ASIC2: variants seen among roughly 807,000 people sequenced by gnomAD.
ASIC2 encodes acid sensing ion channel subunit 2, also known as acid-sensing ion channel 2.
In ASIC2, 25 loss-of-function variants were observed where a neutral mutation model predicts 57.3. The observed-to-expected ratio is 0.44, with a 90% CI of 0.32 to 0.61. The LOEUF is 0.61. ASIC2 is among the 20% of genes least tolerant of loss of function. The probability of loss-of-function intolerance (pLI) is 0.06; values close to 1 mark genes in which losing one functional copy is unlikely to be tolerated. For synonymous variants in ASIC2, 319 were observed against 307.5 expected, an observed-to-expected ratio of 1.04 and a Z score of -0.39; for missense variants, 641 against 738.1, an observed-to-expected ratio of 0.87 and a Z score of 1.52.
intron 1 of ASIC2, among the ~76,000 whole-genome samples, chr17:34,024,169 A>C (rs1294510936): frequency 6.6e-6 from 1 of 152,220 alleles, no homozygotes; most frequent in Non-Finnish European, 1.5e-5. Flanking sequence ...ACAAGTATAG[A>C]CATCCAGCCA....
intron 1 of ASIC2, among the ~76,000 whole-genome samples, chr17:33,237,274 T>G (rs1049620094): frequency 2.6e-5 from 4 of 151,682 alleles, no homozygotes; most frequent in Admixed American, 1.3e-4. Flanking sequence ...GGCTGCAGAA[T>G]GGAGGCCACA....
chr17:33,790,488 G>T (rs1317414912), intron 1 of ASIC2, among the ~76,000 whole-genome samples: 1 of 152,082 alleles, frequency 6.6e-6, no homozygotes. Flanking sequence ...TGCAGTATTG[G>T]TTAGCTATTT....
chr17:33,164,758 C>T (rs577084666), intron 1 of ASIC2, among the ~76,000 whole-genome samples: 3 of 152,284 alleles, frequency 2.0e-5, no homozygotes, highest in South Asian at 4.1e-4. Context: ...CCTGGAACTG[C>T]CCGTGGGTGA....
rs143459857 is a variant in ASIC2 at position 33,638,373 on chromosome 17, G to A, written c.555+517605C>T. On this transcript the variant is annotated intron_variant, in intron 1 of 9. Transcript: ENST00000359872. Reference sequence around the variant, plus strand: ...CTCTGCCCAGGAATGAGCAAGGACAGTTAGCCTGTGAGGATAGAAGCAAGA... The same window carrying A: ...CTCTGCCCAGGAATGAGCAAGGACAATTAGCCTGTGAGGATAGAAGCAAGA... Among the ~76,000 whole-genome samples the A allele has an allele frequency of 5.2e-3, 796 of 152,322 alleles. 1 individual carries two copies. The highest frequency in any genetic ancestry group is 8.2e-3 in the Non-Finnish European group (559 of 68,036).
At chr17:33,649,287 C>T (rs1906846855) in intron 1 of ASIC2, among the ~76,000 whole-genome samples, 1 of 152,054 alleles carries the variant, frequency 6.6e-6, no homozygotes, top group African/African-American at 2.4e-5. Context: ...CATTGAAATG[C>T]AGAATAAAAT....
At chr17:33,635,479 C>T (rs1906328638) in intron 1 of ASIC2, among the ~76,000 whole-genome samples, 2 of 152,158 alleles carry the variant, frequency 1.3e-5, no homozygotes, top group South Asian at 2.1e-4. Context: ...GAACTACTAC[C>T]TGCATTAGGG....
chr17:33,627,222 T>G (rs1906015139), intron 1 of ASIC2: 1 of 152,218 alleles, frequency 6.6e-6, no homozygotes, highest in Non-Finnish European at 1.5e-5. Flanking sequence ...CAGATTTCTC[T>G]CTAGAGACAC....
intron 1 of ASIC2, among the ~76,000 whole-genome samples, chr17:33,801,588 C>T (rs1199608155): frequency 6.6e-6 from 1 of 152,022 alleles, no homozygotes; most frequent in East Asian, 1.9e-4. Flanking sequence ...GGGTAAGAAA[C>T]ATATAGTATA....
intron 1 of ASIC2, among the ~76,000 whole-genome samples, chr17:33,237,599 T>C (rs1395654317): frequency 6.6e-6 from 1 of 152,200 alleles, no homozygotes; most frequent in Non-Finnish European, 1.5e-5. Context: ...CCCAAAGTGC[T>C]GGGATTACAG....
chr17:33,111,098 C>T (rs1021869313), intron 2 of ASIC2, among the ~76,000 whole-genome samples: 1 of 152,190 alleles, frequency 6.6e-6, no homozygotes, highest in Admixed American at 6.5e-5. Flanking sequence ...CCTCCGTCAT[C>T]ACACTGCCTT....
At chr17:33,182,731 G>T (rs1029212879) in intron 1 of ASIC2, among the ~76,000 whole-genome samples, 5 of 152,124 alleles carry the variant, frequency 3.3e-5, no homozygotes, top group Non-Finnish European at 5.9e-5. Flanking sequence ...CCTTGTCATT[G>T]TATTTTTCAG....
chr17:33,970,788 G>A (rs1905208083), intron 1 of ASIC2, among the ~76,000 whole-genome samples: 1 of 152,208 alleles, frequency 6.6e-6, no homozygotes, highest in Non-Finnish European at 1.5e-5. Context: ...CAAACTACTT[G>A]CTTTCATCAT....
chr17:33,297,492 T>C (rs761423876), upstream of ASIC2, among the ~76,000 whole-genome samples: 2 of 152,142 alleles, frequency 1.3e-5, no homozygotes, highest in Non-Finnish European at 2.9e-5. Context: ...TTTAGGGCTG[T>C]TATGCAAATG....
intron 3 of ASIC2, among the ~76,000 whole-genome samples, chr17:33,080,761 C>T (rs1025163197): frequency 3.9e-5 from 6 of 152,122 alleles, no homozygotes; most frequent in Admixed American, 1.3e-4. Context: ...ATCACAGACA[C>T]GGCTGCTAAG....
intron 1 of ASIC2, among the ~76,000 whole-genome samples, chr17:33,114,333 G>A (rs147592924): frequency 6.5e-4 from 99 of 152,358 alleles, no homozygotes; most frequent in African/African-American, 2.3e-3. Context: ...TCACTGTAAT[G>A]AACAGATAAG....
chr17:33,556,449 C>T (rs1915911598), intron 1 of ASIC2, among the ~76,000 whole-genome samples: 3 of 152,190 alleles, frequency 2.0e-5, no homozygotes, highest in Admixed American at 6.5e-5. Context: ...TGATTTCTTT[C>T]CTGTCTCTAT....
rs775618696 is a variant in ASIC2 at position 33,028,236 on chromosome 17, A to C, written c.1138+6T>G. On this transcript the variant is annotated splice_donor_region_variant and intron_variant, in intron 4 of 9. Transcript: ENST00000225823. ...GGCCCTGTGGCCACCCTGCCCTGGC[A>C]CTGACCTGGCATGTGAACCATGCGG... The C allele has an allele frequency of 1.2e-6, 2 of 1,613,674 alleles. No homozygotes were observed. The highest frequency in any genetic ancestry group is 1.7e-6 in the Non-Finnish European group (2 of 1,179,926).
At chr17:33,479,793 G>A (rs1913343700) in intron 1 of ASIC2, among the ~76,000 whole-genome samples, 1 of 152,168 alleles carries the variant, frequency 6.6e-6, no homozygotes, top group Non-Finnish European at 1.5e-5. Context: ...TTTCATCTGA[G>A]CAAGGCCCTG....
chr17:33,103,232 TTTTA>T (rs1200685600), intron 2 of ASIC2, among the ~76,000 whole-genome samples: 1 of 152,250 alleles, frequency 6.6e-6, no homozygotes, highest in African/African-American at 2.4e-5. Context: ...TTCATTTATT[TTTTA>T]TTTATCAAAA....
Sources: allele counts gnomAD v4.1 joint callset (sites outside exome capture counted in the v4.1 genomes callset), GRCh38; gene constraint gnomAD v4.1.1; transcripts MANE v1.5; gene names NCBI Gene and HGNC (gene_info 2026-07-23, HGNC 2026-07-21).